The following TOX variants were observed in gnomAD, a reference collection of about 807,000 sequenced individuals.
The protein encoded by TOX is thymocyte selection-associated high mobility group box protein TOX.
A neutral mutation model predicts 53.7 loss-of-function variants in TOX; 11 were observed. The observed-to-expected ratio is 0.20, with a 90% CI of 0.13 to 0.34. TOX has a LOEUF of 0.34. TOX is among the 10% of genes least tolerant of loss of function. The probability of loss-of-function intolerance (pLI) is 1.00; values close to 1 mark genes in which losing one functional copy is unlikely to be tolerated. For synonymous variants in TOX, 225 were observed against 245.3 expected, an observed-to-expected ratio of 0.92 and a Z score of 0.77; for missense variants, 570 against 664.6, an observed-to-expected ratio of 0.86 and a Z score of 1.56.
chr8:58,998,262 G>T (rs1183479785), intron 1 of TOX, among the ~76,000 whole-genome samples: 3 of 151,242 alleles, frequency 2.0e-5, no homozygotes, highest in Non-Finnish European at 1.5e-5. Context: ...GCTGAGGTGG[G>T]TGGATCACTT....
intron 3 of TOX, among the ~76,000 whole-genome samples, chr8:58,896,252 C>T (rs762017884): frequency 5.9e-5 from 9 of 152,054 alleles, no homozygotes; most frequent in African/African-American, 9.7e-5. Flanking sequence ...GCAGACAATA[C>T]GGCAAGAGGG....
At chr8:58,808,941 A>G (rs1398203735) in intron 7 of TOX, among the ~76,000 whole-genome samples, 1 of 152,226 alleles carries the variant, frequency 6.6e-6, no homozygotes, top group East Asian at 1.9e-4. Flanking sequence ...TGAAAAGTCT[A>G]TTAACTGGCA....
chr8:58,839,164 C>A (rs1349043060), intron 4 of TOX, among the ~76,000 whole-genome samples: 1 of 152,202 alleles, frequency 6.6e-6, no homozygotes, highest in Non-Finnish European at 1.5e-5. Flanking sequence ...TAGATCAGTG[C>A]TGTCCAATGG....
At chr8:58,821,369 G>T (rs540269657) in intron 6 of TOX, among the ~76,000 whole-genome samples, 1 of 151,962 alleles carries the variant, frequency 6.6e-6, no homozygotes, top group African/African-American at 2.4e-5. Context: ...TTTATTAAGT[G>T]CTTCCTATGT....
chr8:58,986,194 T>G (rs1192622698), intron 1 of TOX, among the ~76,000 whole-genome samples: 3 of 152,212 alleles, frequency 2.0e-5, no homozygotes, highest in African/African-American at 7.2e-5. Flanking sequence ...AGGGAAGTAC[T>G]CATGGTTCCA....
At chr8:59,027,435 T>C (rs1194421974) in intron 1 of TOX, among the ~76,000 whole-genome samples, 1 of 128,070 alleles carries the variant, frequency 7.8e-6, no homozygotes, top group Non-Finnish European at 1.6e-5. Context: ...TGGGTCCTTA[T>C]GTCATAGGAA....
chr8:59,001,438 G>C (rs1185142632), intron 1 of TOX, among the ~76,000 whole-genome samples: 1 of 152,146 alleles, frequency 6.6e-6, no homozygotes, highest in African/African-American at 2.4e-5. Flanking sequence ...AATATCTCAT[G>C]ATGGGAAAAG....
intron 1 of TOX, among the ~76,000 whole-genome samples, chr8:59,002,995 G>A (rs1190171241): frequency 1.3e-5 from 2 of 152,130 alleles, no homozygotes; most frequent in Non-Finnish European, 2.9e-5. Context: ...ATTGAAACCT[G>A]TGTTTCAATA....
intron 1 of TOX, among the ~76,000 whole-genome samples, chr8:58,965,894 G>GTTTTTTTTTTTT (rs67045037): frequency 4.0e-5 from 2 of 49,628 alleles, no homozygotes; most frequent in Non-Finnish European, 7.5e-5. Context: ...ACGAGTCATC[G>GTTTTTTTTTTTT]TTTTTTTTTT....
At chr8:59,084,495 A>T (rs2129423379) in intron 1 of TOX, among the ~76,000 whole-genome samples, 1 of 152,304 alleles carries the variant, frequency 6.6e-6, no homozygotes, top group Admixed American at 6.5e-5. Flanking sequence ...AATAATTCGT[A>T]GGTAATAACT....
intron 2 of TOX, among the ~76,000 whole-genome samples, chr8:58,950,645 C>T (rs939555073): frequency 6.6e-5 from 10 of 152,150 alleles, no homozygotes; most frequent in African/African-American, 2.4e-4. Flanking sequence ...ACGATAAGAA[C>T]CCTCGATGTT....
intron 2 of TOX, among the ~76,000 whole-genome samples, chr8:58,945,436 A>G (rs1323471702): frequency 2.6e-5 from 4 of 152,160 alleles, no homozygotes; most frequent in East Asian, 1.9e-4. Context: ...CTTTTCAGCC[A>G]TTTCACTAAA....
chr8:58,815,697 T>C lies in TOX; in HGVS notation c.1033A>G (p.Thr345Ala), dbSNP rs1355333413. Residue 345 changes from threonine (T) to alanine (A), a missense_variant, in exon 7 of 9, where the codon ACA becomes GCA. Coordinates refer to ENST00000361421, the MANE Select transcript of TOX (RefSeq NM_014729.3). ...TTGATCAGCTGAGGAGGTTGAGATG[T>C]CTTCACGTCAACAGGTTCACTGTAG... is the stretch of plus-strand genomic sequence containing the variant. ...KSYSEPVDVKTSQPPQLINSK... is the reference protein window; with the variant it reads ...KSYSEPVDVKASQPPQLINSK... 6.2e-7 allele frequency: 1 copy of C among 1,612,982 alleles called. No homozygotes were observed. Among genetic ancestry groups the C allele is most frequent in the Non-Finnish European group, 8.5e-7 (1 of 1,179,466 alleles).
intron 3 of TOX, among the ~76,000 whole-genome samples, chr8:58,927,690 T>C (rs566995664): frequency 5.9e-5 from 9 of 152,172 alleles, no homozygotes; most frequent in African/African-American, 2.2e-4. Context: ...GAATGACAGA[T>C]AGTATAAGAA....
chr8:58,999,254 C>G (rs896552459), intron 1 of TOX, among the ~76,000 whole-genome samples: 5 of 151,794 alleles, frequency 3.3e-5, no homozygotes, highest in South Asian at 4.2e-4. Flanking sequence ...TAAAAAGGAA[C>G]CTGATGAAAG....
At chr8:58,909,563 T>C (rs1811874654) in intron 3 of TOX, among the ~76,000 whole-genome samples, 1 of 152,142 alleles carries the variant, frequency 6.6e-6, no homozygotes, top group Non-Finnish European at 1.5e-5. Flanking sequence ...ATTTCAGACT[T>C]GCCAAATCAG....
chr8:59,011,455 T>A (rs1472025858), intron 1 of TOX, among the ~76,000 whole-genome samples: 1 of 152,220 alleles, frequency 6.6e-6, no homozygotes, highest in Admixed American at 6.5e-5. Context: ...TTTCTATGTT[T>A]GTTTTTTGAG....
chr8:59,080,555 T>C (rs1264292115), intron 1 of TOX, among the ~76,000 whole-genome samples: 1 of 152,152 alleles, frequency 6.6e-6, no homozygotes, highest in Non-Finnish European at 1.5e-5. Context: ...CAGAATGATG[T>C]AGTTTGAATA....
chr8:58,970,704 ACCGT>A (rs2129179611), intron 1 of TOX, among the ~76,000 whole-genome samples: 1 of 152,314 alleles, frequency 6.6e-6, no homozygotes, highest in Admixed American at 6.5e-5. Context: ...GAGGGCAGAG[ACCGT>A]CCTAACTTAC....
Sources: allele counts gnomAD v4.1 joint callset (sites outside exome capture counted in the v4.1 genomes callset), GRCh38; gene constraint gnomAD v4.1.1; transcripts MANE v1.5; gene names NCBI Gene and HGNC (gene_info 2026-07-23, HGNC 2026-07-21).